STX1B: variants seen among roughly 807,000 people sequenced by gnomAD.
STX1B encodes syntaxin 1B.
Under a neutral mutation model 39.4 loss-of-function variants are expected in STX1B, and 7 were observed. The ratio of observed to expected loss-of-function variants is 0.18; its 90% confidence interval spans 0.10 to 0.33. The LOEUF is 0.33. Among genes scored for constraint, STX1B ranks in the 10% least tolerant of loss-of-function variants. The probability of loss-of-function intolerance (pLI) is 1.00; values close to 1 mark genes in which losing one functional copy is unlikely to be tolerated. For missense variants in STX1B, 198 were observed against 383.2 expected, an observed-to-expected ratio of 0.52 and a Z score of 4.04; for synonymous variants, 136 against 144.1, an observed-to-expected ratio of 0.94 and a Z score of 0.40.
chr16:30,993,361 G>A lies in STX1B; in HGVS notation c.661C>T (p.Leu221Phe). 1.2e-6 allele frequency: 2 copies of A among 1,614,228 alleles called. No individual in the cohort carries two copies. Among genetic ancestry groups the A allele is most frequent in the Non-Finnish European group, 1.7e-6 (2 of 1,180,048 alleles). ...AGAGCCAGTACCTGGCTCTCTACGA[G>A]CATGGCCATGTCCACAAACATATCG... Reference protein sequence around the residue: ...LHDMFVDMAMLVESQGEMIDR... With the variant: ...LHDMFVDMAMFVESQGEMIDR... Residue 221 changes from leucine to phenylalanine, a missense_variant, in exon 8 of 10, where the codon CTC becomes TTC. By Grantham distance (22) the Leu-to-Phe change is conservative. Coordinates refer to ENST00000215095, the MANE Select transcript of STX1B (RefSeq NM_052874.5).
intron 6 of STX1B, 57 bp from the exon 7 acceptor site, chr16:30,996,813 GGGGT>G (rs1273557521): frequency 6.3e-7 from 1 of 1,598,552 alleles, no homozygotes; most frequent in East Asian, 2.2e-5. Flanking sequence ...GGCCTGAGGT[GGGGT>G]GATGGGGCGG....
intron 7 of STX1B, among the ~76,000 whole-genome samples, chr16:30,995,714 C>T (rs1417973567): frequency 6.6e-6 from 1 of 152,112 alleles, no homozygotes; most frequent in Non-Finnish European, 1.5e-5. Flanking sequence ...TGGTCTCGAA[C>T]TCCTGACCTC....
In STX1B at chr16:31,001,677, C is replaced by T; in HGVS notation, c.31-74G>A. ...CAAGGCTGGCTCTCCAGCTCTCCCA[C>T]CCTCTCCCTGCTATGCACACACAGG... On this transcript the variant is annotated intron_variant, in intron 1 of 9. Coordinates refer to ENST00000215095, the MANE Select transcript of STX1B (RefSeq NM_052874.5). This position sits in a 1 kb window ranked among gnomAD's most constrained non-coding sequence, Gnocchi z 5.5. The T allele has an allele frequency of 8.3e-7, 1 of 1,208,738 alleles. No homozygotes were observed. The highest frequency in any genetic ancestry group is 1.2e-6 in the Non-Finnish European group (1 of 834,794). The allele number at this position is 1,208,738 out of a possible 1,614,324, so 74.9% of individuals were successfully genotyped here.
At position 30,992,722 on chromosome 16, in the gene STX1B, G is replaced by A; in HGVS notation, c.*99C>T. The A allele has an allele frequency of 3.9e-6, 3 of 762,214 alleles. No homozygotes were observed. In the South Asian group the frequency reaches 4.9e-5, roughly 13 times the overall value. 47.2% of individuals were successfully genotyped at this position (762,214 alleles called of 1,614,324 possible). ...GTGGGGCTGCCTGGGTCTGTTTTGG[G>A]AGTGAGCCTGGAGCAGGGGATGGAG... On this transcript the variant is annotated 3_prime_UTR_variant, in exon 10 of 10. Transcript: ENST00000215095.
In STX1B at chr16:30,996,723, T is replaced by G; in HGVS notation, c.497A>C (p.Asp166Ala). ...GGCCAGCTTCCCGCTCTCCAGCATG[T>G]CTTCCAGTTCTTCGTTGGTGGTGGT... Reference protein sequence around the residue: ...GRTTTNEELEDMLESGKLAIF... With the variant: ...GRTTTNEELEAMLESGKLAIF... Residue 166 changes from aspartate (D) to alanine (A), a missense_variant, in exon 7 of 10, where the codon GAC (aspartate) becomes GCC (alanine). By Grantham distance (126) the Asp-to-Ala change is moderately radical. Coordinates refer to ENST00000215095, the MANE Select transcript of STX1B (RefSeq NM_052874.5). 1 of 1,614,130 alleles carries G rather than the reference T, an allele frequency of 6.2e-7. No homozygotes were observed. Among genetic ancestry groups the G allele is most frequent in the East Asian group, 2.2e-5 (1 of 44,886 alleles).
intron 1 of STX1B, among the ~76,000 whole-genome samples, chr16:31,005,976 G>A (rs1209928640): frequency 1.3e-5 from 2 of 152,192 alleles, no homozygotes; most frequent in Admixed American, 1.3e-4. Context: ...GACAGATACA[G>A]AAGCGGAAGG....
At chr16:30,998,035 A>G (rs1293370151) in intron 4 of STX1B, among the ~76,000 whole-genome samples, 6 of 152,204 alleles carry the variant, frequency 3.9e-5, no homozygotes, top group Non-Finnish European at 7.3e-5. Context: ...CAGGTGGATC[A>G]GGTTCTAGTG....
At chr16:31,007,986 C>T (rs1048397448) in intron 1 of STX1B, among the ~76,000 whole-genome samples, 4 of 152,098 alleles carry the variant, frequency 2.6e-5, no homozygotes, top group Non-Finnish European at 2.9e-5. Context: ...GTCTGGCTCC[C>T]GAAACCACTG....
intron 1 of STX1B, among the ~76,000 whole-genome samples, chr16:31,009,944 C>A: frequency 6.6e-6 from 1 of 152,102 alleles, no homozygotes; most frequent in East Asian, 1.9e-4. Context: ...TGTGTCCTTC[C>A]CCGTAGCATC....
In STX1B at chr16:31,000,419, A is replaced by AC. The variant is rs1271050776; in HGVS notation, c.280+508dup. ...ATGATCTCGGCTCACTGCAGCCTCG[A>AC]CCCCCTGGGCTCAAGCGATTCTTGT... On this transcript the variant is annotated intron_variant, in intron 4 of 9. Transcript: ENST00000215095. Among the ~76,000 whole-genome samples the AC allele has an allele frequency of 3.4e-5, 5 of 146,506 alleles. No individual in the cohort carries two copies. The East Asian group carries it at 1.0e-3, about 30-fold the overall frequency.
At position 31,001,090 on chromosome 16, in the gene STX1B, T is replaced by C; in HGVS notation, c.205+4A>G. Reference sequence around the variant, plus strand: ...ACCCCACAGTCACCGGCAGCCACACTCACTCTCATCTGGGTTGGGTGCGGC... The same window carrying C: ...ACCCCACAGTCACCGGCAGCCACACCCACTCTCATCTGGGTTGGGTGCGGC... On this transcript the variant is annotated splice_donor_region_variant and intron_variant, in intron 3 of 9. Coordinates refer to ENST00000215095, the MANE Select transcript of STX1B (RefSeq NM_052874.5). The surrounding 1 kb of genome is among the most constrained non-coding windows in gnomAD (Gnocchi z 5.5). 6.2e-7 allele frequency: 1 copy of C among 1,614,090 alleles called. No individual in the cohort carries two copies. Among genetic ancestry groups the C allele is most frequent in the Non-Finnish European group, 8.5e-7 (1 of 1,179,962 alleles).
At chr16:30,997,301 T>G (rs1223679740) in intron 5 of STX1B, among the ~76,000 whole-genome samples, 1 of 152,076 alleles carries the variant, frequency 6.6e-6, no homozygotes, top group Non-Finnish European at 1.5e-5. Context: ...ACACTGCTAC[T>G]GCGCTGAGAT....
intron 4 of STX1B, among the ~76,000 whole-genome samples, chr16:31,000,587 G>T (rs1041999955): frequency 6.6e-6 from 1 of 151,700 alleles, no homozygotes; most frequent in African/African-American, 2.4e-5. Flanking sequence ...CCACCTCCCG[G>T]GTTCAAGCAA....
At chr16:30,996,901 C>G in intron 6 of STX1B, 50 bp downstream of exon 6, 1 of 1,571,706 alleles carries the variant, frequency 6.4e-7, no homozygotes. Context: ...TGGAAGGGGG[C>G]TTGGGCAGCC....
chr16:31,010,335 C>T, intron 1 of STX1B, 32 bp downstream of exon 1: 1 of 1,113,568 alleles, frequency 9.0e-7, no homozygotes, highest in Non-Finnish European at 1.2e-6. Flanking sequence ...ATTGGGGTCC[C>T]GCCCCCCCAT....
chr16:30,995,148 A>T (rs776161310), intron 7 of STX1B, among the ~76,000 whole-genome samples: 1 of 151,784 alleles, frequency 6.6e-6, no homozygotes, highest in East Asian at 1.9e-4. Flanking sequence ...TCAAAAAAAC[A>T]TTTTTTTTGT....
chr16:30,993,490 G>GC lies in STX1B; in HGVS notation c.538-7_538-6insG, dbSNP rs757385065. On this transcript the variant is annotated splice_polypyrimidine_tract_variant and splice_region_variant and intron_variant, in intron 7 of 9. Coordinates refer to ENST00000215095, the MANE Select transcript of STX1B (RefSeq NM_052874.5). ...ATCTGTGAGTCCATTTTGATCTAGG[G>GC]TGACGAGGGAGAGAGCTACAATCAC... 2 of 1,613,512 alleles carry GC rather than the reference G, an allele frequency of 1.2e-6. No homozygotes were observed. The highest frequency in any genetic ancestry group is 2.2e-5 in the South Asian group (2 of 91,082).
chr16:31,001,811 T>C lies in STX1B; in HGVS notation c.31-208A>G, dbSNP rs73528522. On this transcript the variant is annotated intron_variant, in intron 1 of 9. Transcript: ENST00000215095. This position sits in a 1 kb window ranked among gnomAD's most constrained non-coding sequence, Gnocchi z 5.5. Reference sequence around the variant, plus strand: ...AGCCCAAAGGATTCCTTAGAAGGAATTGGAAAAAGACCCCCTCTCAGGGTG... The same window carrying C: ...AGCCCAAAGGATTCCTTAGAAGGAACTGGAAAAAGACCCCCTCTCAGGGTG... 0.013 allele frequency among the ~76,000 whole-genome samples: 1,928 copies of C among 152,142 alleles called. 31 individuals carry two copies. Among genetic ancestry groups the C allele is most frequent in the African/African-American group, 0.044 (1,828 of 41,498 alleles).
chr16:30,998,562 T>C (rs1413971059), intron 4 of STX1B, among the ~76,000 whole-genome samples: 1 of 152,190 alleles, frequency 6.6e-6, no homozygotes, highest in Non-Finnish European at 1.5e-5. Context: ...TTTACAACAT[T>C]CCTGGGAGTT....
Sources: allele counts gnomAD v4.1 joint callset (sites outside exome capture counted in the v4.1 genomes callset), GRCh38; gene constraint gnomAD v4.1.1; non-coding constraint Gnocchi (gnomAD v3.1); transcripts MANE v1.5; gene names NCBI Gene and HGNC (gene_info 2026-07-23, HGNC 2026-07-21).